Variants in ROBO2 observed in about 807,000 individuals in gnomAD.
ROBO2 encodes the protein roundabout homolog 2.
Under a neutral mutation model 160.8 loss-of-function variants are expected in ROBO2, and 53 were observed. The ratio of observed to expected loss-of-function variants is 0.33; its 90% CI spans 0.26 to 0.41. The LOEUF (loss-of-function observed/expected upper bound fraction) is 0.41. Among genes scored for constraint, ROBO2 ranks in the 10% least tolerant of loss-of-function variants. The pLI, the probability that ROBO2 is intolerant of heterozygous loss-of-function variation, is 1.00. For synonymous variants in ROBO2, 664 were observed against 611.7 expected (o/e 1.09, Z -1.26); for missense variants, 1,577 against 1,722.4 (o/e 0.92, Z 1.49).
intron 2 of ROBO2, among the ~76,000 whole-genome samples, chr3:76,040,750 G>T (rs1291027781): frequency 6.6e-6 from 1 of 152,038 alleles, no homozygotes; most frequent in Non-Finnish European, 1.5e-5. Context: ...CACTTTGGGA[G>T]GCCAAGGAGG....
intron 2 of ROBO2, among the ~76,000 whole-genome samples, chr3:76,564,813 C>A (rs1378082368): frequency 6.6e-6 from 1 of 152,148 alleles, no homozygotes; most frequent in Non-Finnish European, 1.5e-5. Flanking sequence ...AAGAGATTTT[C>A]TTGTCTTTTC....
rs139427288 is a variant in ROBO2 at position 77,294,384 on chromosome 3, G to A, written c.389-183030G>A. On this transcript the variant is annotated intron_variant, in intron 2 of 25. Coordinates refer to ENST00000461745, the Ensembl canonical transcript of ROBO2. ...TGGTTAAACGGGTAAGCTGAGGCTA[G>A]GTCACCAAAGACATAAAGTAAAATT... is the stretch of plus-strand genomic sequence containing the variant. 4.5e-4 allele frequency among the ~76,000 whole-genome samples: 64 copies of A among 141,192 alleles called. 4 individuals carry two copies. In the East Asian group the frequency reaches 8.2e-3, roughly 18 times the overall value. 92.6% of individuals were successfully genotyped at this position (141,192 alleles called of 152,430 possible).
intron 2 of ROBO2, among the ~76,000 whole-genome samples, chr3:76,929,062 C>G (rs1165440001): frequency 6.6e-6 from 1 of 152,088 alleles, no homozygotes; most frequent in Non-Finnish European, 1.5e-5. Context: ...GAGTTTGAGA[C>G]CAGCCTGGCC....
chr3:76,451,241 A>G (rs752859247), intron 2 of ROBO2, among the ~76,000 whole-genome samples: 7 of 152,166 alleles, frequency 4.6e-5, no homozygotes, highest in African/African-American at 7.2e-5. Flanking sequence ...TGTCCCCATA[A>G]GTGATAACTG....
intron 2 of ROBO2, among the ~76,000 whole-genome samples, chr3:76,619,339 C>CA (rs10629440): frequency 0.38 from 52,324 of 137,210 alleles, 9,773 homozygotes; most frequent in Middle Eastern, 0.47. Flanking sequence ...GACTCCGTCT[C>CA]AAAAAAAAAA....
chr3:76,108,807 T>G (rs2070073968), intron 2 of ROBO2, among the ~76,000 whole-genome samples: 1 of 151,338 alleles, frequency 6.6e-6, no homozygotes, highest in African/African-American at 2.4e-5. Context: ...AAATTAACTA[T>G]TATTTTGATT....
intron 2 of ROBO2, among the ~76,000 whole-genome samples, chr3:76,503,841 G>T (rs2080617624): frequency 6.6e-6 from 1 of 152,160 alleles, no homozygotes; most frequent in Non-Finnish European, 1.5e-5. Context: ...CAAAATTTAA[G>T]TTAGGTAGGA....
chr3:76,864,308 T>G (rs564669837), intron 2 of ROBO2, among the ~76,000 whole-genome samples: 1 of 152,208 alleles, frequency 6.6e-6, no homozygotes, highest in South Asian at 2.1e-4. Flanking sequence ...TCTCACTGTA[T>G]GCAAGAAAGT....
At chr3:76,444,009 A>G (rs1383139007) in intron 2 of ROBO2, among the ~76,000 whole-genome samples, 2 of 152,184 alleles carry the variant, frequency 1.3e-5, no homozygotes, top group African/African-American at 4.8e-5. Flanking sequence ...TCTGTCCCCC[A>G]AGCTGGAGTG....
chr3:77,553,245 G>A (rs918702566), intron 8 of ROBO2, among the ~76,000 whole-genome samples: 6 of 151,852 alleles, frequency 4.0e-5, no homozygotes, highest in Admixed American at 2.6e-4. Context: ...AATTTTTGGG[G>A]GGTATCACAA....
At chr3:76,281,403 G>A (rs766017101) in intron 2 of ROBO2, among the ~76,000 whole-genome samples, 9 of 151,860 alleles carry the variant, frequency 5.9e-5, no homozygotes, top group Middle Eastern at 3.2e-3. Flanking sequence ...GATTTTAAGC[G>A]TTTATCTCTT....
intron 8 of ROBO2, among the ~76,000 whole-genome samples, chr3:77,552,146 T>C (rs1200329408): frequency 6.6e-6 from 1 of 151,986 alleles, no homozygotes; most frequent in African/African-American, 2.4e-5. Context: ...GAATAAAAGA[T>C]AATTATTAAT....
intron 2 of ROBO2, among the ~76,000 whole-genome samples, chr3:76,893,816 C>A (rs1301247944): frequency 6.6e-6 from 1 of 151,896 alleles, no homozygotes; most frequent in Admixed American, 6.6e-5. Context: ...TTCTTCATAC[C>A]CTCCTCCCAC....
At chr3:77,023,779 C>T (rs1178700789) in intron 2 of ROBO2, among the ~76,000 whole-genome samples, 1 of 152,162 alleles carries the variant, frequency 6.6e-6, no homozygotes, top group African/African-American at 2.4e-5. Flanking sequence ...AATTCTCATG[C>T]TAAAGTCCAG....
At chr3:76,543,244 T>C (rs2082910958) in intron 2 of ROBO2, among the ~76,000 whole-genome samples, 1 of 152,174 alleles carries the variant, frequency 6.6e-6, no homozygotes. Context: ...CAAATTTATA[T>C]GTAGAAGTGT....
Position 76,609,534 on chromosome 3 carries a change from A to G in ROBO2, c.110-488480A>G, listed in dbSNP as rs2087920834. 1.3e-5 allele frequency among the ~76,000 whole-genome samples: 2 copies of G among 152,010 alleles called. 1 individual carries two copies. The highest frequency in any genetic ancestry group is 1.3e-4 in the Admixed American group (2 of 15,266). ...TTTTTTCAGATTGCTCACTGTTGGC[A>G]TATAGAAATGCTACTGATTTTTTAA... On this transcript the variant is annotated intron_variant, in intron 2 of 26. Transcript: ENST00000487694.
chr3:76,814,415 C>T (rs1158835238), intron 2 of ROBO2, among the ~76,000 whole-genome samples: 5 of 152,122 alleles, frequency 3.3e-5, no homozygotes, highest in Non-Finnish European at 1.5e-5. Context: ...TAAACCTTGG[C>T]AGCTGTCACT....
intron 2 of ROBO2, chr3:77,317,199 A>C: frequency 1.2e-6 from 1 of 846,154 alleles, no homozygotes; most frequent in Non-Finnish European, 2.1e-6. Context: ...CCCGGATGGA[A>C]GGCCCAGCAG....
intron 2 of ROBO2, among the ~76,000 whole-genome samples, chr3:76,623,921 C>T (rs1387257186): frequency 6.6e-6 from 1 of 152,098 alleles, no homozygotes; most frequent in Non-Finnish European, 1.5e-5. Context: ...CTGACATCTT[C>T]CTTTCTCATA....
Sources: gnomAD v4.1 joint callset for allele counts (sites outside exome capture counted in the v4.1 genomes callset) on GRCh38, gnomAD v4.1.1 for gene constraint, MANE v1.5 for transcripts, NCBI Gene and HGNC (gene_info 2026-07-23, HGNC 2026-07-21) for gene names.